ZNF385B: variants seen among roughly 807,000 people sequenced by gnomAD.
ZNF385B encodes zinc finger protein 385B.
ZNF385B carries 23 observed loss-of-function variants against 39.2 expected under a neutral mutation model. The ratio of observed to expected loss-of-function variants is 0.59; its 90% CI spans 0.42 to 0.83. ZNF385B has a LOEUF of 0.83. ZNF385B is among the 40% of genes least tolerant of loss of function. The pLI, the probability that ZNF385B is intolerant of heterozygous loss-of-function variation, is 0.00. For missense variants in ZNF385B, 552 were observed against 598.9 expected (o/e 0.92, Z 0.82); for synonymous variants, 205 against 222.6 (o/e 0.92, Z 0.70).
chr2:179,677,361 T>C (rs1696977846), intron 3 of ZNF385B, among the ~76,000 whole-genome samples: 1 of 152,230 alleles, frequency 6.6e-6, no homozygotes, highest in Admixed American at 6.5e-5. Flanking sequence ...ATTAAAAATA[T>C]GTTCTCTGCA....
chr2:179,817,969 TTATG>T (rs1047759579), intron 1 of ZNF385B, among the ~76,000 whole-genome samples: 2 of 151,984 alleles, frequency 1.3e-5, no homozygotes, highest in African/African-American at 2.4e-5. Flanking sequence ...GTGTGTGTGT[TTATG>T]TATGTGTCAG....
intron 1 of ZNF385B, among the ~76,000 whole-genome samples, chr2:179,785,438 A>C (rs935639096): frequency 1.3e-5 from 2 of 152,172 alleles, no homozygotes; most frequent in African/African-American, 2.4e-5. Flanking sequence ...GGCTGCCATC[A>C]ATAGTGAGTC....
intron 5 of ZNF385B, among the ~76,000 whole-genome samples, chr2:179,502,690 G>T (rs2056872876): frequency 6.6e-6 from 1 of 152,098 alleles, no homozygotes; most frequent in African/African-American, 2.4e-5. Flanking sequence ...CCCAGTCTCA[G>T]ATATGTCTTT....
chr2:179,767,619 A>C (rs1323696665), intron 3 of ZNF385B, among the ~76,000 whole-genome samples: 1 of 152,166 alleles, frequency 6.6e-6, no homozygotes, highest in Non-Finnish European at 1.5e-5. Flanking sequence ...AAGTGACCAA[A>C]AAAAATGAAA....
rs1429887371 is a variant in ZNF385B, at chr2:179,455,472, G to A, written c.716-8702C>T. On this transcript the variant is annotated intron_variant, in intron 6 of 9. Transcript: ENST00000410066. ...GTTTTTTCCCCCTTTTGCTCGGCAC[G>A]TCTCCTTGCTGCCACCATGTGAAGA... Among the ~76,000 whole-genome samples, 3 of 152,124 alleles carry A rather than the reference G, an allele frequency of 2.0e-5. No individual in the cohort carries two copies. In the East Asian group the frequency reaches 5.8e-4, roughly 29 times the overall value.
chr2:179,628,802 C>A (rs1031239533), intron 3 of ZNF385B, among the ~76,000 whole-genome samples: 1 of 152,116 alleles, frequency 6.6e-6, no homozygotes, highest in South Asian at 2.1e-4. Context: ...AGACATTTTA[C>A]GTATCAACTA....
At position 179,555,199 on chromosome 2, in the gene ZNF385B, C is replaced by G. The variant is rs183369270; in HGVS notation, c.299-10230G>C. Reference sequence around the variant, plus strand: ...TACATGCAACAACCAATAGATCTTGCAAGCATAACGTTGAAGAAAAGAACT... The same window carrying G: ...TACATGCAACAACCAATAGATCTTGGAAGCATAACGTTGAAGAAAAGAACT... On this transcript the variant is annotated intron_variant, in intron 3 of 9. Coordinates refer to ENST00000410066, the MANE Select transcript of ZNF385B (RefSeq NM_152520.6). Among the ~76,000 whole-genome samples, 136 of 149,788 alleles carry G rather than the reference C, an allele frequency of 9.1e-4. 3 individuals are homozygous for G. The highest frequency in any genetic ancestry group is 7.5e-4 in the Non-Finnish European group (51 of 67,632).
intron 5 of ZNF385B, among the ~76,000 whole-genome samples, chr2:179,502,096 C>T (rs552271424): frequency 1.3e-5 from 2 of 152,140 alleles, no homozygotes; most frequent in Non-Finnish European, 2.9e-5. Flanking sequence ...TTTGTTTTGG[C>T]CAATTTCTCC....
At chr2:179,563,981 C>T (rs1209416081) in intron 3 of ZNF385B, among the ~76,000 whole-genome samples, 1 of 152,166 alleles carries the variant, frequency 6.6e-6, no homozygotes, top group African/African-American at 2.4e-5. Flanking sequence ...GTCTGGAATA[C>T]TAGTGCATCC....
At chr2:179,575,526 G>T (rs945256956) in intron 3 of ZNF385B, among the ~76,000 whole-genome samples, 20 of 152,100 alleles carry the variant, frequency 1.3e-4, no homozygotes, top group Admixed American at 1.0e-3. Flanking sequence ...ATTCTCATTG[G>T]CCTGCAAGCA....
At chr2:179,777,769 G>GTT (rs71029831) in intron 1 of ZNF385B, among the ~76,000 whole-genome samples, 16,333 of 143,620 alleles carry the variant, frequency 0.11, 1,445 homozygotes, top group East Asian at 0.48. Flanking sequence ...ATATCAAGAG[G>GTT]TTTTTTTTTT....
chr2:179,838,961 G>A (rs1179411072), intron 1 of ZNF385B, among the ~76,000 whole-genome samples: 1 of 149,972 alleles, frequency 6.7e-6, no homozygotes, highest in African/African-American at 2.5e-5. Flanking sequence ...CCTTGCAAAA[G>A]TGTGGTCCTT....
intron 9 of ZNF385B, 54 bp downstream of exon 9, chr2:179,444,822 C>T: frequency 1.3e-6 from 2 of 1,496,954 alleles, no homozygotes; most frequent in African/African-American, 1.4e-5. Flanking sequence ...ACAATGGCTG[C>T]CCAACCCAGC....
chr2:179,449,357 G>A (rs1420105008), intron 6 of ZNF385B, among the ~76,000 whole-genome samples: 4 of 152,030 alleles, frequency 2.6e-5, no homozygotes, highest in African/African-American at 7.2e-5. Flanking sequence ...GAAGGCCATC[G>A]TCTCAGCCCA....
chr2:179,845,492 A>G (rs1708755228), intron 1 of ZNF385B, among the ~76,000 whole-genome samples: 2 of 152,216 alleles, frequency 1.3e-5, no homozygotes, highest in Middle Eastern at 3.2e-3. Flanking sequence ...AGCAAGTGCC[A>G]CCAAAATTGA....
intron 4 of ZNF385B, among the ~76,000 whole-genome samples, chr2:179,533,834 A>T (rs1464694272): frequency 1.3e-5 from 2 of 152,216 alleles, no homozygotes; most frequent in African/African-American, 4.8e-5. Flanking sequence ...ACAGTATTTT[A>T]AAAATATAGC....
In ZNF385B at chr2:179,626,912, G is replaced by A. The variant is rs1690712071; in HGVS notation, c.299-81943C>T. Among the ~76,000 whole-genome samples, 5 of 152,152 alleles carry A rather than the reference G, an allele frequency of 3.3e-5. No homozygotes were observed. The South Asian group carries it at 8.3e-4, about 25-fold the overall frequency. ...TCCAATGTTCCAATATAACCCTTAGGCTTATTCATGCCAGAAACATCTCCT... is the reference window on the plus strand; with the variant it reads ...TCCAATGTTCCAATATAACCCTTAGACTTATTCATGCCAGAAACATCTCCT... On this transcript the variant is annotated intron_variant, in intron 3 of 9. Coordinates refer to ENST00000410066, the MANE Select transcript of ZNF385B (RefSeq NM_152520.6).
chr2:179,457,660 T>A (rs1005151257), intron 6 of ZNF385B, among the ~76,000 whole-genome samples: 1 of 152,196 alleles, frequency 6.6e-6, no homozygotes, highest in African/African-American at 2.4e-5. Context: ...TTCTTTTTTT[T>A]ATTGGCCAAT....
At chr2:179,550,115 A>G (rs528664584) in intron 3 of ZNF385B, among the ~76,000 whole-genome samples, 1 of 149,736 alleles carries the variant, frequency 6.7e-6, no homozygotes, top group Non-Finnish European at 1.5e-5. Flanking sequence ...GATATTTCTT[A>G]TGTTAGCCCA....
Sources: gnomAD v4.1 joint callset for allele counts (sites outside exome capture counted in the v4.1 genomes callset) on GRCh38, gnomAD v4.1.1 for gene constraint, MANE v1.5 for transcripts, NCBI Gene and HGNC (gene_info 2026-07-23, HGNC 2026-07-21) for gene names.